Variants in CNTLN observed in about 807,000 individuals in gnomAD.
The protein encoded by CNTLN is centlein, centrosomal protein.
In CNTLN, 212 loss-of-function variants were observed where a neutral mutation model predicts 180.0. The ratio of observed to expected loss-of-function variants is 1.18; its 90% CI spans 1.05 to 1.32. The LOEUF (loss-of-function observed/expected upper bound fraction) is 1.32. Among genes scored for constraint, CNTLN ranks in the 40% most tolerant of loss-of-function variants. The pLI, the probability that CNTLN is intolerant of heterozygous loss-of-function variation, is 0.00. For synonymous variants in CNTLN, 722 were observed against 563.1 expected (o/e 1.28, Z -3.99); for missense variants, 2,095 against 1,610.9 (o/e 1.30, Z -5.14).
chr9:17,305,549 T>G (rs1277667105), intron 7 of CNTLN, among the ~76,000 whole-genome samples: 1 of 151,834 alleles, frequency 6.6e-6, no homozygotes, highest in East Asian at 1.9e-4. Context: ...TCTACTCTTA[T>G]TAATGGAATG....
intron 2 of CNTLN, among the ~76,000 whole-genome samples, chr9:17,148,889 A>G (rs1480097746): frequency 1.3e-5 from 2 of 152,142 alleles, no homozygotes; most frequent in African/African-American, 4.8e-5. Flanking sequence ...TTATGTAGGT[A>G]TACATGTGCC....
At chr9:17,156,224 AAT>A (rs1238234733) in intron 2 of CNTLN, among the ~76,000 whole-genome samples, 1 of 152,240 alleles carries the variant, frequency 6.6e-6, no homozygotes, top group African/African-American at 2.4e-5. Context: ...CGTGTTAACA[AAT>A]AAATTGTATT....
chr9:17,200,413 A>G (rs1822439875), intron 2 of CNTLN, among the ~76,000 whole-genome samples: 1 of 152,170 alleles, frequency 6.6e-6, no homozygotes, highest in Non-Finnish European at 1.5e-5. Flanking sequence ...TTGAATCTGT[A>G]AATTACTTTG....
At chr9:17,414,358 G>A (rs375402030) in intron 16 of CNTLN, among the ~76,000 whole-genome samples, 1 of 152,136 alleles carries the variant, frequency 6.6e-6, no homozygotes, top group East Asian at 1.9e-4. Context: ...AATAGTACTG[G>A]AAACAGAAGC....
rs111862255 is a variant in CNTLN, at chr9:17,455,902, C to T, written c.3115-1622C>T. Reference sequence around the variant, plus strand: ...TAATCTTAGAGAGCCTTATTATCCACAAACATTTGAGCTTTATTCTGTTGG... The same window carrying T: ...TAATCTTAGAGAGCCTTATTATCCATAAACATTTGAGCTTTATTCTGTTGG... On this transcript the variant is annotated intron_variant, in intron 18 of 25. Coordinates refer to ENST00000380647, the MANE Select transcript of CNTLN (RefSeq NM_017738.4). Among the ~76,000 whole-genome samples the T allele has an allele frequency of 3.0e-3, 435 of 146,942 alleles. 8 individuals carry two copies. Among genetic ancestry groups the T allele is most frequent in the African/African-American group, 0.011 (417 of 36,578 alleles).
At chr9:17,246,621 C>T (rs1396026053) in intron 5 of CNTLN, among the ~76,000 whole-genome samples, 1 of 152,176 alleles carries the variant, frequency 6.6e-6, no homozygotes, top group Non-Finnish European at 1.5e-5. Context: ...GACCTGTGTC[C>T]TTCCCTTCAG....
intron 2 of CNTLN, among the ~76,000 whole-genome samples, chr9:17,210,578 C>A (rs1823229777): frequency 1.3e-5 from 2 of 152,122 alleles, no homozygotes; most frequent in Non-Finnish European, 2.9e-5. Flanking sequence ...GGTATATACC[C>A]AGTAATGGGA....
intron 7 of CNTLN, chr9:17,301,588 A>T (rs1818356500): frequency 3.0e-6 from 3 of 984,598 alleles, no homozygotes; most frequent in Non-Finnish European, 3.6e-6. Flanking sequence ...ACTTAAGTTG[A>T]TTCTCACTTT....
In CNTLN at chr9:17,359,717, T is replaced by TAAAAAAAA. The variant is rs1456379699; in HGVS notation, c.1887-6895_1887-6894insAAAAAAAA. 5.6e-3 allele frequency among the ~76,000 whole-genome samples: 75 copies of TAAAAAAAA among 13,480 alleles called. 6 individuals carry two copies. Among genetic ancestry groups the TAAAAAAAA allele is most frequent in the East Asian group, 0.015 (5 of 328 alleles). The allele number at this position is 13,480 out of a possible 152,430, so 8.8% of individuals were successfully genotyped here. A position where few individuals can be genotyped will look rare whatever the true frequency, so the allele number is the denominator to read the frequency against. ...TAACACGGTGAAACTCCGTCTATACTAAAAATACAAAAAAAAAAAAAAAAA... is the reference window on the plus strand; with the variant it reads ...TAACACGGTGAAACTCCGTCTATACTAAAAAAAAAAAAATACAAAAAAAAAAAAAAAAA... On this transcript the variant is annotated intron_variant, in intron 12 of 25. Coordinates refer to ENST00000380647, the MANE Select transcript of CNTLN (RefSeq NM_017738.4).
intron 23 of CNTLN, among the ~76,000 whole-genome samples, chr9:17,468,061 T>C (rs1588064035): frequency 6.6e-6 from 1 of 151,470 alleles, no homozygotes; most frequent in African/African-American, 2.4e-5. Flanking sequence ...TACACAGCCA[T>C]AGAAAAGAAT....
At chr9:17,297,027 T>C (rs1817997016) in intron 6 of CNTLN, among the ~76,000 whole-genome samples, 1 of 152,324 alleles carries the variant, frequency 6.6e-6, no homozygotes, top group African/African-American at 2.4e-5. Flanking sequence ...CTTCAAAATA[T>C]TATGTAAGTA....
chr9:17,199,917 C>A (rs372060826), intron 2 of CNTLN, among the ~76,000 whole-genome samples: 1 of 152,142 alleles, frequency 6.6e-6, no homozygotes, highest in Non-Finnish European at 1.5e-5. Context: ...TTGCCCTTGC[C>A]TATGTCCTGA....
At chr9:17,240,835 T>C (rs767920483) in intron 5 of CNTLN, among the ~76,000 whole-genome samples, 3 of 152,262 alleles carry the variant, frequency 2.0e-5, no homozygotes, top group South Asian at 4.2e-4. Context: ...CAATGTCCTG[T>C]AGAGTTCCTG....
chr9:17,199,984 G>A (rs1317710376), intron 2 of CNTLN, among the ~76,000 whole-genome samples: 2 of 152,106 alleles, frequency 1.3e-5, no homozygotes, highest in African/African-American at 4.8e-5. Flanking sequence ...TTACATTTAA[G>A]TTCTTAATCC....
chr9:17,259,992 G>T (rs200593268), intron 5 of CNTLN, among the ~76,000 whole-genome samples: 1 of 139,594 alleles, frequency 7.2e-6, no homozygotes, highest in Non-Finnish European at 1.5e-5. Context: ...CAGCTCTGAT[G>T]TTAGTTATTT....
chr9:17,513,103 G>A, the CNTLN span, among the ~76,000 whole-genome samples: 4 of 152,002 alleles, frequency 2.6e-5, no homozygotes, highest in African/African-American at 7.2e-5. Context: ...ACAGGCCACG[G>A]TGCCCGGCCT....
the CNTLN span, among the ~76,000 whole-genome samples, chr9:17,521,414 T>C: frequency 2.6e-5 from 4 of 152,088 alleles, no homozygotes; most frequent in Admixed American, 6.6e-5. Flanking sequence ...TGAACAGAAA[T>C]GTGATTTAGC....
In CNTLN at chr9:17,335,937, C is replaced by CA. The variant is rs1564005006; in HGVS notation, c.1644+3212dup. On this transcript the variant is annotated intron_variant, in intron 10 of 25. Coordinates refer to ENST00000380647, the MANE Select transcript of CNTLN (RefSeq NM_017738.4). Reference sequence around the variant, plus strand: ...AGCGAGTCTGTCTCAAAAACAAAAACAAAAACAAAGTTAGAGCTTCTAGTT... The same window carrying CA: ...AGCGAGTCTGTCTCAAAAACAAAAACAAAAAACAAAGTTAGAGCTTCTAGTT... Among the ~76,000 whole-genome samples, 11 of 145,156 alleles carry CA rather than the reference C, an allele frequency of 7.6e-5. 1 individual carries two copies. Among genetic ancestry groups the CA allele is most frequent in the East Asian group, 2.0e-4 (1 of 4,894 alleles).
At chr9:17,504,924 T>G (rs562351027), downstream of CNTLN, among the ~76,000 whole-genome samples, 12 of 152,280 alleles carry the variant, frequency 7.9e-5, no homozygotes, top group South Asian at 2.5e-3. Flanking sequence ...ACTAAGTTTG[T>G]GGTACTTTGT....
Sources: gnomAD v4.1 joint callset for allele counts (sites outside exome capture counted in the v4.1 genomes callset) on GRCh38, gnomAD v4.1.1 for gene constraint, MANE v1.5 for transcripts, NCBI Gene and HGNC (gene_info 2026-07-23, HGNC 2026-07-21) for gene names.